Variants in ATF7IP observed in about 807,000 individuals in gnomAD.
The protein encoded by ATF7IP is activating transcription factor 7-interacting protein 1.
Under a neutral mutation model 106.4 loss-of-function variants are expected in ATF7IP, and 23 were observed. That is an observed-to-expected ratio of 0.22 (90% CI 0.16 to 0.31). ATF7IP has a LOEUF of 0.31. Among genes scored for constraint, ATF7IP ranks in the 10% least tolerant of loss-of-function variants. The pLI is 1.00. For missense variants in ATF7IP, 1,334 were observed against 1,524.3 expected, an observed-to-expected ratio of 0.88 and a Z score of 2.08; for synonymous variants, 542 against 539.0, an observed-to-expected ratio of 1.01 and a Z score of -0.08.
intron 6 of ATF7IP, among the ~76,000 whole-genome samples, chr12:14,450,633 T>C (rs1306838816): frequency 6.6e-6 from 1 of 152,176 alleles, no homozygotes. Flanking sequence ...GTATCTTTGT[T>C]TGACTTTGGT....
chr12:14,385,136 G>A, intron 1 of ATF7IP: 1 of 403,256 alleles, frequency 2.5e-6, no homozygotes, highest in Non-Finnish European at 4.4e-6. Context: ...GTCCTGTGTA[G>A]CTGCATTGTT....
chr12:14,380,811 G>A (rs1938973200), intron 1 of ATF7IP, among the ~76,000 whole-genome samples: 1 of 152,108 alleles, frequency 6.6e-6, no homozygotes, highest in Non-Finnish European at 1.5e-5. Flanking sequence ...GTAGAGACGG[G>A]GTTTTGCCAT....
chr12:14,497,756 T>C lies in ATF7IP; in HGVS notation c.3496T>C (p.Leu1166=). The change falls in exon 15 of 15, where the codon TTG becomes CTG. Residue 1166 remains leucine, a synonymous_variant. Coordinates refer to ENST00000261168, the MANE Select transcript of ATF7IP (RefSeq NM_018179.5). ...ASTSLPQKPH[L]KLARVQSQNG... ...CACATCTCTGCCTCAGAAGCCACAC[T>C]TGAAGTTAGCACGCGTTCAGAGTCA... The C allele has an allele frequency of 6.2e-7, 1 of 1,614,170 alleles. No homozygotes were observed. Among genetic ancestry groups the C allele is most frequent in the Non-Finnish European group, 8.5e-7 (1 of 1,180,024 alleles).
chr12:14,367,722 C>T (rs192461898), intron 1 of ATF7IP, among the ~76,000 whole-genome samples: 3 of 152,084 alleles, frequency 2.0e-5, no homozygotes, highest in African/African-American at 7.2e-5. Context: ...TGAAAATGCT[C>T]TTGAATATGA....
chr12:14,400,438 A>C (rs1033398847), intron 1 of ATF7IP, among the ~76,000 whole-genome samples: 1 of 142,994 alleles, frequency 7.0e-6, no homozygotes, highest in African/African-American at 2.6e-5. Flanking sequence ...TAAGGAGAAG[A>C]TATATATTTT....
At chr12:14,383,144 T>C (rs541735385) in intron 1 of ATF7IP, among the ~76,000 whole-genome samples, 3 of 152,206 alleles carry the variant, frequency 2.0e-5, no homozygotes, top group Non-Finnish European at 4.4e-5. Flanking sequence ...GTATTTCTGC[T>C]TGTATCAGTT....
chr12:14,394,505 C>T (rs1347035373), intron 1 of ATF7IP, among the ~76,000 whole-genome samples: 3 of 152,058 alleles, frequency 2.0e-5, no homozygotes, highest in Non-Finnish European at 4.4e-5. Context: ...TGTTGGGGAA[C>T]GAATGGGGAG....
At chr12:14,402,162 C>T (rs1940272049) in intron 1 of ATF7IP, among the ~76,000 whole-genome samples, 1 of 103,184 alleles carries the variant, frequency 9.7e-6, no homozygotes, top group African/African-American at 3.8e-5. Context: ...GGGTCTCGTT[C>T]TGTAGCCCGG....
intron 11 of ATF7IP, 52 bp downstream of exon 11, chr12:14,476,020 C>CT: frequency 7.7e-7 from 1 of 1,299,300 alleles, no homozygotes; most frequent in Non-Finnish European, 1.1e-6. Flanking sequence ...TTTTTTTTGT[C>CT]TTAATACGGT....
chr12:14,398,284 G>A (rs1380516933), intron 1 of ATF7IP, among the ~76,000 whole-genome samples: 1 of 151,412 alleles, frequency 6.6e-6, no homozygotes, highest in African/African-American at 2.4e-5. Context: ...TGCATTTAAG[G>A]CTATCAGTTT....
rs1945144924 is a variant in ATF7IP at position 14,500,949 on chromosome 12, A to G, written c.*2876A>G. 6.6e-6 allele frequency: 1 copy of G among 152,150 alleles called. No individual in the cohort carries two copies. The highest frequency in any genetic ancestry group is 6.5e-5 in the Admixed American group (1 of 15,268). The allele number at this position is 152,150 out of a possible 1,614,324, so 9.4% of individuals were successfully genotyped here. A position where few individuals can be genotyped will look rare whatever the true frequency, so the allele number is the denominator to read the frequency against. ...GGGAGAAATCGCAATTATTTAGGGG[A>G]GAAGTATATTTATTATAAGATGGTG... On this transcript the variant is annotated 3_prime_UTR_variant, in exon 15 of 15. Transcript: ENST00000261168.
intron 1 of ATF7IP, among the ~76,000 whole-genome samples, chr12:14,398,291 G>C (rs1373897345): frequency 2.6e-5 from 4 of 151,104 alleles, no homozygotes; most frequent in Non-Finnish European, 5.9e-5. Context: ...AAGGCTATCA[G>C]TTTTAATCTG....
intron 1 of ATF7IP, among the ~76,000 whole-genome samples, chr12:14,377,292 G>A (rs1591758295): frequency 6.6e-6 from 1 of 151,814 alleles, no homozygotes; most frequent in Non-Finnish European, 1.5e-5. Flanking sequence ...ACTGAGCCCA[G>A]CCCGAAATTC....
chr12:14,432,332 A>G (rs537887737), intron 2 of ATF7IP, among the ~76,000 whole-genome samples: 1 of 152,344 alleles, frequency 6.6e-6, no homozygotes, highest in East Asian at 1.9e-4. Context: ...GTTACTAACA[A>G]TGAGTATTAA....
At chr12:14,416,049 T>G (rs921773712) in intron 1 of ATF7IP, among the ~76,000 whole-genome samples, 6 of 152,260 alleles carry the variant, frequency 3.9e-5, no homozygotes, top group African/African-American at 1.4e-4. Context: ...ACAGATTCAG[T>G]AGTCTATTTA....
At chr12:14,408,704 ATGCTGC>A (rs1940743040) in intron 1 of ATF7IP, among the ~76,000 whole-genome samples, 1 of 152,092 alleles carries the variant, frequency 6.6e-6, no homozygotes, top group Non-Finnish European at 1.5e-5. Context: ...ATTAATTTTA[ATGCTGC>A]TCTGTTTTGC....
intron 9 of ATF7IP, among the ~76,000 whole-genome samples, chr12:14,463,224 A>G (rs1469494700): frequency 6.6e-6 from 1 of 152,076 alleles, no homozygotes; most frequent in Non-Finnish European, 1.5e-5. Flanking sequence ...TTATGTGGGT[A>G]TTATGTTTAC....
At chr12:14,373,643 A>C (rs1216433862) in intron 1 of ATF7IP, among the ~76,000 whole-genome samples, 1 of 152,224 alleles carries the variant, frequency 6.6e-6, no homozygotes, top group Non-Finnish European at 1.5e-5. Flanking sequence ...GATATTAATG[A>C]ATAGCATTTT....
chr12:14,439,947 A>G (rs566626877), intron 5 of ATF7IP, among the ~76,000 whole-genome samples: 1 of 152,288 alleles, frequency 6.6e-6, no homozygotes. Context: ...ATTTCTTAAC[A>G]TTTAAATTTG....
Sources: gnomAD v4.1 joint callset for allele counts (sites outside exome capture counted in the v4.1 genomes callset) on GRCh38, gnomAD v4.1.1 for gene constraint, MANE v1.5 for transcripts, NCBI Gene and HGNC (gene_info 2026-07-23, HGNC 2026-07-21) for gene names.